The following NAV2 variants were observed in gnomAD, a reference collection of about 807,000 sequenced individuals.
NAV2 encodes helicase, APC down-regulated 1.
Under a neutral mutation model 223.2 loss-of-function variants are expected in NAV2, and 54 were observed. That is an observed-to-expected ratio of 0.24 (90% CI 0.19 to 0.30). The LOEUF (loss-of-function observed/expected upper bound fraction) is 0.30. NAV2 is among the 10% of genes least tolerant of loss of function. NAV2 has a pLI of 1.00. For missense variants in NAV2, 2,806 were observed against 3,147.5 expected (o/e 0.89, Z 2.60); for synonymous variants, 1,279 against 1,239.3 (o/e 1.03, Z -0.67).
chr11:19,529,784 G>C, intron 1 of NAV2, among the ~76,000 whole-genome samples: 1 of 152,316 alleles, frequency 6.6e-6, no homozygotes, highest in Middle Eastern at 3.4e-3. Context: ...CTCAGTGACC[G>C]GTGAAGAGAC....
chr11:19,855,089 CT>C (rs2061345453), intron 3 of NAV2, among the ~76,000 whole-genome samples: 2 of 152,090 alleles, frequency 1.3e-5, no homozygotes, highest in South Asian at 2.1e-4. Context: ...CACTCTGTGC[CT>C]CCATTTCCCC....
At chr11:19,399,261 C>T (rs956669536) in intron 1 of NAV2, among the ~76,000 whole-genome samples, 24 of 152,182 alleles carry the variant, frequency 1.6e-4, no homozygotes, top group African/African-American at 5.3e-4. Flanking sequence ...CCTCTACCCA[C>T]GCTGCACTCC....
intron 35 of NAV2, 52 bp downstream of exon 35, chr11:20,105,779 T>G (rs1404793064): frequency 2.1e-6 from 3 of 1,435,190 alleles, no homozygotes; most frequent in Non-Finnish European, 2.9e-6. Context: ...CAGGTGCCCA[T>G]CCTCTGGGCC....
chr11:19,984,389 G>T (rs868627767), intron 11 of NAV2, 142 bp downstream of exon 11: 10 of 1,318,114 alleles, frequency 7.6e-6, no homozygotes, highest in Non-Finnish European at 1.0e-5. Flanking sequence ...TGTACCTGGG[G>T]TTAGGAGCAG....
intron 1 of NAV2, among the ~76,000 whole-genome samples, chr11:19,408,493 A>G (rs1444077637): frequency 9.2e-5 from 14 of 152,180 alleles, no homozygotes. Flanking sequence ...AAAATGTATC[A>G]TTGTTTGGGA....
At chr11:19,421,582 T>C (rs1423674463) in intron 1 of NAV2, among the ~76,000 whole-genome samples, 1 of 152,224 alleles carries the variant, frequency 6.6e-6, no homozygotes, top group Non-Finnish European at 1.5e-5. Context: ...AAAAATTAGT[T>C]GATTTAAATT....
At chr11:19,608,041 T>C (rs569444086) in intron 1 of NAV2, among the ~76,000 whole-genome samples, 1 of 152,318 alleles carries the variant, frequency 6.6e-6, no homozygotes, top group African/African-American at 2.4e-5. Flanking sequence ...TCTCCCATTT[T>C]ACAGCTGAAG....
intron 1 of NAV2, among the ~76,000 whole-genome samples, chr11:19,393,654 T>A (rs1014074236): frequency 1.3e-5 from 2 of 152,242 alleles, no homozygotes; most frequent in Non-Finnish European, 2.9e-5. Flanking sequence ...AAATTTATTT[T>A]TCCTCCTTGA....
intron 1 of NAV2, among the ~76,000 whole-genome samples, chr11:19,507,693 T>C (rs1019927391): frequency 2.0e-5 from 3 of 152,238 alleles, no homozygotes; most frequent in Admixed American, 1.3e-4. Flanking sequence ...GTTTCTATGA[T>C]GCCGATGATA....
intron 1 of NAV2, among the ~76,000 whole-genome samples, chr11:19,608,518 G>T (rs1250265137): frequency 2.0e-5 from 3 of 152,244 alleles, no homozygotes; most frequent in Non-Finnish European, 2.9e-5. Flanking sequence ...AGTTTCAATT[G>T]AAATGACAGT....
chr11:19,983,796 C>T (rs892805799), intron 10 of NAV2, among the ~76,000 whole-genome samples: 9 of 152,316 alleles, frequency 5.9e-5, no homozygotes, highest in South Asian at 2.1e-4. Flanking sequence ...CTTGTATAAT[C>T]GCTGACATTG....
chr11:19,901,419 C>A (rs563605626), intron 6 of NAV2, among the ~76,000 whole-genome samples: 1 of 152,134 alleles, frequency 6.6e-6, no homozygotes, highest in Non-Finnish European at 1.5e-5. Flanking sequence ...TGGTGGCGTA[C>A]GCCTGTAGTC....
At chr11:19,446,613 G>A (rs1357551469) in intron 1 of NAV2, among the ~76,000 whole-genome samples, 2 of 152,068 alleles carry the variant, frequency 1.3e-5, no homozygotes, top group Non-Finnish European at 2.9e-5. Flanking sequence ...TTGCTTTAGG[G>A]GATTCGATAA....
chr11:20,045,250 G>C lies in NAV2; in HGVS notation c.3482G>C (p.Arg1161Pro). The stretch of plus-strand genomic sequence containing the variant: ...CCAAAGTCATCTGCACTCGTCAGTC[G>C]GTCTGCTGGTCGGAAGTCAAGTATG... ...KIPKSSALVS[R>P]SAGRKSSMDG... is the part of the protein sequence containing the mutation. The change falls in exon 14 of 38, where the codon CGG becomes CCG. Residue 1161 changes from arginine (R) to proline (P), a missense_variant. Coordinates refer to ENST00000349880, the MANE Select transcript of NAV2 (RefSeq NM_145117.5). The C allele has an allele frequency of 6.2e-7, 1 of 1,614,164 alleles. No homozygotes were observed. The highest frequency in any genetic ancestry group is 2.2e-5 in the East Asian group (1 of 44,868).
intron 1 of NAV2, among the ~76,000 whole-genome samples, chr11:19,673,685 C>T (rs969730839): frequency 2.6e-5 from 4 of 152,156 alleles, no homozygotes; most frequent in African/African-American, 9.7e-5. Flanking sequence ...TGTGCCTTGT[C>T]TTCTGGTTTT....
chr11:19,362,762 G>A (rs1326188862), intron 1 of NAV2, among the ~76,000 whole-genome samples: 1 of 151,666 alleles, frequency 6.6e-6, no homozygotes, highest in Non-Finnish European at 1.5e-5. Flanking sequence ...TATAACATAG[G>A]GTAATAATAG....
chr11:19,447,028 G>A (rs1180931099), intron 1 of NAV2, among the ~76,000 whole-genome samples: 2 of 152,184 alleles, frequency 1.3e-5, no homozygotes, highest in Non-Finnish European at 2.9e-5. Context: ...GCTGCCTGCT[G>A]GACCAGAAGG....
intron 1 of NAV2, among the ~76,000 whole-genome samples, chr11:19,732,114 A>C (rs2051832520): frequency 6.6e-6 from 1 of 152,098 alleles, no homozygotes; most frequent in Non-Finnish European, 1.5e-5. Flanking sequence ...TTAACCAGGC[A>C]TGGTGGCGCG....
At chr11:19,824,351 C>A (rs1472214640) in intron 1 of NAV2, among the ~76,000 whole-genome samples, 1 of 152,196 alleles carries the variant, frequency 6.6e-6, no homozygotes, top group Admixed American at 6.5e-5. Context: ...AGAAAGCCCA[C>A]AAATGTCCCA....
Sources: allele counts gnomAD v4.1 joint callset (sites outside exome capture counted in the v4.1 genomes callset), GRCh38; gene constraint gnomAD v4.1.1; transcripts MANE v1.5; gene names NCBI Gene and HGNC (gene_info 2026-07-23, HGNC 2026-07-21).